The following UMODL1 variants were observed in gnomAD, a reference collection of about 807,000 sequenced individuals.
The protein encoded by UMODL1 is uromodulin-like 1.
Under a neutral mutation model 136.3 loss-of-function variants are expected in UMODL1, and 128 were observed. The ratio of observed to expected loss-of-function variants is 0.94; its 90% CI spans 0.81 to 1.09. UMODL1 has a LOEUF of 1.09. Among genes scored for constraint, UMODL1 ranks in the 50% least tolerant of loss-of-function variants. UMODL1 has a pLI of 0.00. For missense variants in UMODL1, 1,766 were observed against 1,725.6 expected, an observed-to-expected ratio of 1.02 and a Z score of -0.41; for synonymous variants, 721 against 720.0, an observed-to-expected ratio of 1.00 and a Z score of -0.02.
intron 2 of UMODL1, among the ~76,000 whole-genome samples, chr21:42,079,527 AGCCCCTCAGTAATG>A (rs1322501865): frequency 2.6e-5 from 4 of 152,196 alleles, no homozygotes; most frequent in Non-Finnish European, 5.9e-5. Flanking sequence ...GTGGGCCCTG[AGCCCCTCAGTAATG>A]GCCCCTCAGG....
At chr21:42,107,213 G>A (rs181388442) in intron 9 of UMODL1, among the ~76,000 whole-genome samples, 88 of 152,288 alleles carry the variant, frequency 5.8e-4, no homozygotes, top group Non-Finnish European at 1.1e-3. Flanking sequence ...CTAGAGTGAG[G>A]GTCATCACTG....
intron 4 of UMODL1, among the ~76,000 whole-genome samples, chr21:42,086,196 T>G (rs2066424960): frequency 2.6e-5 from 4 of 152,218 alleles, no homozygotes; most frequent in Non-Finnish European, 5.9e-5. Flanking sequence ...CAGGGGCTTG[T>G]GCTCAGAGGG....
At chr21:42,076,383 AG>A (rs2066291988) in intron 2 of UMODL1, 136 bp downstream of exon 2, 1 of 1,401,744 alleles carries the variant, frequency 7.1e-7, no homozygotes, top group Non-Finnish European at 9.7e-7. Flanking sequence ...TTGACCAGGC[AG>A]CAGGTCATCG....
At chr21:42,124,983 G>T (rs774963367) in intron 17 of UMODL1, among the ~76,000 whole-genome samples, 3 of 152,180 alleles carry the variant, frequency 2.0e-5, no homozygotes, top group Admixed American at 2.0e-4. Context: ...ACCTGACACC[G>T]AGAAGCAGCC....
intron 4 of UMODL1, 52 bp from the exon 5 acceptor site, chr21:42,088,238 CGTCT>C: frequency 6.4e-7 from 1 of 1,573,538 alleles, no homozygotes; most frequent in East Asian, 2.3e-5. Context: ...TCAGTCTCCT[CGTCT>C]GTCTGACGGG....
intron 15 of UMODL1, chr21:42,120,472 G>T (rs908551750): frequency 9.8e-5 from 15 of 152,336 alleles, no homozygotes; most frequent in African/African-American, 3.6e-4. Context: ...AAGTTACCAG[G>T]TGTCCCCGCC....
At chr21:42,090,536 C>T (rs1336508667) in intron 6 of UMODL1, 98 bp downstream of exon 6, 33 of 1,419,408 alleles carry the variant, frequency 2.3e-5, no homozygotes, top group Middle Eastern at 5.1e-4. Flanking sequence ...GCATTCACCC[C>T]GAGATAACTC....
At chr21:42,094,847 A>C (rs2066534879) in intron 6 of UMODL1, among the ~76,000 whole-genome samples, 1 of 115,678 alleles carries the variant, frequency 8.6e-6, no homozygotes, top group Non-Finnish European at 1.9e-5. Context: ...TAGATATGTA[A>C]GTTTCCCGGG....
chr21:42,113,442 C>A, intron 12 of UMODL1, 131 bp from the exon 13 acceptor site: 6 of 1,143,704 alleles, frequency 5.2e-6, no homozygotes, highest in Non-Finnish European at 7.3e-6. Context: ...TCACCCATCA[C>A]CTCGGCGGCC....
In UMODL1 at chr21:42,122,546, CGTGTGT is replaced by C. The variant is rs60399838; in HGVS notation, c.2828-278_2828-273del. Among the ~76,000 whole-genome samples, 1 of 151,820 alleles carries C rather than the reference CGTGTGT, an allele frequency of 6.6e-6. No individual in the cohort carries two copies. Among genetic ancestry groups the C allele is most frequent in the Non-Finnish European group, 1.5e-5 (1 of 67,926 alleles). On this transcript the variant is annotated intron_variant, in intron 16 of 22. Coordinates refer to ENST00000408910, the MANE Select transcript of UMODL1 (RefSeq NM_001004416.3). The surrounding 1 kb of genome is among the most constrained non-coding windows in gnomAD (Gnocchi z 4.3). ...GAAATGTGCAACATGTGCATGTGTG[CGTGTGT>C]GTGTGTCTGCACGTGTGTGCGTGCG...
At chr21:42,109,478 A>G in intron 9 of UMODL1, 84 bp from the exon 10 acceptor site, 1 of 1,567,870 alleles carries the variant, frequency 6.4e-7, no homozygotes, top group Non-Finnish European at 8.7e-7. Context: ...GACGGCTAGG[A>G]AGGACTCCTT....
chr21:42,074,726 G>A (rs2066268076), intron 1 of UMODL1, among the ~76,000 whole-genome samples: 2 of 151,934 alleles, frequency 1.3e-5, no homozygotes, highest in African/African-American at 2.4e-5. Context: ...CTGAAAAGTT[G>A]AACTGGTCTT....
chr21:42,124,193 C>T (rs976300411), intron 17 of UMODL1, among the ~76,000 whole-genome samples: 11 of 152,192 alleles, frequency 7.2e-5, no homozygotes, highest in African/African-American at 2.7e-4. Flanking sequence ...ACAAAGGCTT[C>T]GTGTTCAGGG....
At chr21:42,076,411 C>T (rs1000593507) in intron 2 of UMODL1, among the ~76,000 whole-genome samples, 164 bp downstream of exon 2, 1 of 152,214 alleles carries the variant, frequency 6.6e-6, no homozygotes, top group African/African-American at 2.4e-5. Context: ...CTTTCCCTGG[C>T]CCCACTCCTA....
At chr21:42,105,139 G>C (rs371046573) in intron 9 of UMODL1, among the ~76,000 whole-genome samples, 1 of 152,212 alleles carries the variant, frequency 6.6e-6, no homozygotes, top group Non-Finnish European at 1.5e-5. Flanking sequence ...TGGAAACCTC[G>C]GCCTGGGGTT....
intron 13 of UMODL1, among the ~76,000 whole-genome samples, chr21:42,115,039 A>G (rs1332944048): frequency 2.0e-5 from 3 of 152,246 alleles, no homozygotes; most frequent in African/African-American, 7.2e-5. Context: ...TCGCCCAGGA[A>G]TGCATAGCAG....
At chr21:42,127,291 T>C (rs750427485) in intron 19 of UMODL1, 49 bp downstream of exon 19, 3 of 1,509,170 alleles carry the variant, frequency 2.0e-6, no homozygotes, top group Non-Finnish European at 2.8e-6. Flanking sequence ...CCTGGGGCTT[T>C]ATTAACAATA....
At chr21:42,110,409 T>C (rs939660045) in intron 10 of UMODL1, among the ~76,000 whole-genome samples, 1 of 152,244 alleles carries the variant, frequency 6.6e-6, no homozygotes, top group African/African-American at 2.4e-5. Context: ...CCTTAGACAC[T>C]GCGTGTGCTG....
At chr21:42,138,812 TG>T (rs992509457) in intron 22 of UMODL1, among the ~76,000 whole-genome samples, 40 of 152,290 alleles carry the variant, frequency 2.6e-4, no homozygotes, top group Admixed American at 2.5e-3. Flanking sequence ...TGACCTCAGG[TG>T]ATCCACCCGT....
Sources: allele counts gnomAD v4.1 joint callset (sites outside exome capture counted in the v4.1 genomes callset), GRCh38; gene constraint gnomAD v4.1.1; non-coding constraint Gnocchi (gnomAD v3.1); transcripts MANE v1.5; gene names NCBI Gene and HGNC (gene_info 2026-07-23, HGNC 2026-07-21).